The following FAM107B variants were observed in gnomAD, a reference collection of about 807,000 sequenced individuals.
FAM107B encodes the protein family with sequence similarity 107 member B.
Under a neutral mutation model 31.5 loss-of-function variants are expected in FAM107B, and 21 were observed. The observed-to-expected ratio is 0.67, with a 90% CI of 0.47 to 0.96. The LOEUF is 0.96. Among genes scored for constraint, FAM107B ranks in the 40% least tolerant of loss-of-function variants. The pLI is 0.00. For synonymous variants in FAM107B, 157 were observed against 141.5 expected (o/e 1.11, Z -0.78); for missense variants, 452 against 377.1 (o/e 1.20, Z -1.64).
At chr10:14,581,151 G>A (rs1851622382) in intron 2 of FAM107B, among the ~76,000 whole-genome samples, 1 of 152,220 alleles carries the variant, frequency 6.6e-6, no homozygotes, top group Non-Finnish European at 1.5e-5. Context: ...AATCGGTCTG[G>A]TGCAGTGCTC....
chr10:14,609,303 G>C (rs1360232580), intron 2 of FAM107B, among the ~76,000 whole-genome samples: 5 of 152,080 alleles, frequency 3.3e-5, no homozygotes, highest in Admixed American at 3.3e-4. Context: ...TATGCTGAAG[G>C]CCTCCCAAAG....
chr10:14,619,454 G>A (rs1852940549), intron 2 of FAM107B, among the ~76,000 whole-genome samples: 1 of 151,992 alleles, frequency 6.6e-6, no homozygotes, highest in Non-Finnish European at 1.5e-5. Context: ...ACCTTTTCAT[G>A]TGCTATTTGT....
At position 14,653,621 on chromosome 10, in the gene FAM107B, A is replaced by G. The variant is rs545682575; in HGVS notation, c.469+14013T>C. ...TCTAGCTGTGCAGCCACAGTCATCCATGTGGTTCCATTTCCTTGGTGGCAA... is the reference window on the plus strand; with the variant it reads ...TCTAGCTGTGCAGCCACAGTCATCCGTGTGGTTCCATTTCCTTGGTGGCAA... On this transcript the variant is annotated intron_variant, in intron 2 of 4. Coordinates refer to ENST00000181796, the MANE Select transcript of FAM107B (RefSeq NM_031453.4). Among the ~76,000 whole-genome samples the G allele has an allele frequency of 2.2e-5, 3 of 135,338 alleles. No homozygotes were observed. In the South Asian group the frequency reaches 7.8e-4, roughly 35 times the overall value. 88.8% of individuals were successfully genotyped at this position (135,338 alleles called of 152,430 possible).
chr10:14,665,482 G>A (rs1355905284), intron 2 of FAM107B, among the ~76,000 whole-genome samples: 4 of 152,226 alleles, frequency 2.6e-5, no homozygotes, highest in African/African-American at 9.6e-5. Flanking sequence ...AACATAGTGG[G>A]CACTATGCCA....
At chr10:14,646,001 T>C (rs1039340944) in intron 2 of FAM107B, among the ~76,000 whole-genome samples, 5 of 152,056 alleles carry the variant, frequency 3.3e-5, no homozygotes, top group Non-Finnish European at 5.9e-5. Context: ...TCAGCTCTCC[T>C]CCCTCCTCTC....
intron 2 of FAM107B, chr10:14,553,288 A>C: frequency 8.5e-7 from 1 of 1,181,204 alleles, no homozygotes; most frequent in Non-Finnish European, 1.1e-6. Flanking sequence ...TGAGGAATAA[A>C]GATGACCGAG....
chr10:14,653,642 G>T (rs1853960113), intron 2 of FAM107B, among the ~76,000 whole-genome samples: 1 of 152,306 alleles, frequency 6.6e-6, no homozygotes, highest in African/African-American at 2.4e-5. Context: ...TTTCCTTGGT[G>T]GCAATGCACA....
intron 1 of FAM107B, among the ~76,000 whole-genome samples, chr10:14,701,688 C>G (rs1855402014): frequency 6.6e-6 from 1 of 151,752 alleles, no homozygotes; most frequent in Admixed American, 6.6e-5. Context: ...AGAAAGAATG[C>G]AATGACCGGC....
intron 1 of FAM107B, among the ~76,000 whole-genome samples, chr10:14,710,493 A>G (rs1485306125): frequency 6.6e-6 from 1 of 151,666 alleles, no homozygotes. Flanking sequence ...GTTTAAAAAT[A>G]CCAATGCTTA....
At chr10:14,624,659 AC>A (rs1214038485) in intron 2 of FAM107B, among the ~76,000 whole-genome samples, 1 of 152,020 alleles carries the variant, frequency 6.6e-6, no homozygotes, top group African/African-American at 2.4e-5. Context: ...TTGAGGGTCA[AC>A]TCCCAAAGAA....
rs117964017 is a variant in FAM107B at position 14,692,007 on chromosome 10, T to C, written c.412-24316A>G. 2.6e-5 allele frequency among the ~76,000 whole-genome samples: 4 copies of C among 151,936 alleles called. No individual in the cohort carries two copies. The East Asian group carries it at 5.8e-4, about 22-fold the overall frequency. ...ATCACTGCATCATCTCTCCTAGGAATAGACAATCCTTGACCATGACCAAAC... is the reference window on the plus strand; with the variant it reads ...ATCACTGCATCATCTCTCCTAGGAACAGACAATCCTTGACCATGACCAAAC... On this transcript the variant is annotated intron_variant, in intron 1 of 4. Transcript: ENST00000181796.
intron 1 of FAM107B, among the ~76,000 whole-genome samples, chr10:14,702,530 A>C (rs2131525818): frequency 6.6e-6 from 1 of 152,188 alleles, no homozygotes; most frequent in East Asian, 1.9e-4. Flanking sequence ...TGTATTTTTT[A>C]GTAGAGATGG....
chr10:14,558,127 C>T (rs1380854888), intron 2 of FAM107B, among the ~76,000 whole-genome samples: 1 of 152,240 alleles, frequency 6.6e-6, no homozygotes, highest in South Asian at 2.1e-4. Flanking sequence ...TTAAATGCAC[C>T]GCCAGACTTG....
At position 14,522,012 on chromosome 10, in the gene FAM107B, C is replaced by A; in HGVS notation, c.661G>T (p.Ala221Ser). ...ELLMNQKRGL[A>S]PQNKPELQKV... ...TGCAATTCTGGTTTGTTCTGAGGAG[C>A]AAGACCCCTGCGAAAGAGCATTAAC... Residue 221 changes from alanine to serine, a missense_variant, in exon 4 of 5, where the codon GCT becomes TCT. Physicochemically the swap from Ala to Ser is moderately conservative, Grantham distance 99 (BLOSUM62 1). Coordinates refer to ENST00000181796, the MANE Select transcript of FAM107B (RefSeq NM_031453.4). 6.2e-7 allele frequency: 1 copy of A among 1,609,202 alleles called. No homozygotes were observed. Among genetic ancestry groups the A allele is most frequent in the Non-Finnish European group, 8.5e-7 (1 of 1,178,880 alleles).
At chr10:14,659,922 T>G (rs1854187490) in intron 2 of FAM107B, among the ~76,000 whole-genome samples, 1 of 152,214 alleles carries the variant, frequency 6.6e-6, no homozygotes, top group Non-Finnish European at 1.5e-5. Flanking sequence ...TTTTCTCATT[T>G]CATCCATTTT....
intron 2 of FAM107B, among the ~76,000 whole-genome samples, chr10:14,564,799 C>T (rs1353087519): frequency 1.3e-5 from 2 of 152,224 alleles, no homozygotes; most frequent in Admixed American, 1.3e-4. Flanking sequence ...AAGGCCCAAA[C>T]CTATTATAAC....
chr10:14,771,740 C>T (rs1023680929), intron 1 of FAM107B, among the ~76,000 whole-genome samples: 1 of 152,170 alleles, frequency 6.6e-6, no homozygotes, highest in Non-Finnish European at 1.5e-5. Context: ...TGGTCTCAAA[C>T]TTCTGGTCTC....
intron 1 of FAM107B, among the ~76,000 whole-genome samples, chr10:14,724,497 G>C (rs61842974): frequency 0.08 from 12,202 of 152,240 alleles, 602 homozygotes; most frequent in East Asian, 0.14. Context: ...GATTACTGTA[G>C]CTTTGTAGGA....
intron 2 of FAM107B, among the ~76,000 whole-genome samples, chr10:14,563,194 T>C (rs1850387308): frequency 6.6e-6 from 1 of 152,204 alleles, no homozygotes; most frequent in Non-Finnish European, 1.5e-5. Context: ...GAAGGCAACC[T>C]ACAGATGAGG....
Sources: gnomAD v4.1 joint callset for allele counts (sites outside exome capture counted in the v4.1 genomes callset) on GRCh38, gnomAD v4.1.1 for gene constraint, MANE v1.5 for transcripts, NCBI Gene and HGNC (gene_info 2026-07-23, HGNC 2026-07-21) for gene names.